SYNDIG1L: variants seen among roughly 807,000 people sequenced by gnomAD.
The protein encoded by SYNDIG1L is synapse differentiation-inducing gene protein 1-like.
Under a neutral mutation model 20.1 loss-of-function variants are expected in SYNDIG1L, and 13 were observed. The ratio of observed to expected loss-of-function variants is 0.65; its 90% CI spans 0.42 to 1.03. SYNDIG1L has a LOEUF of 1.03. Among genes scored for constraint, SYNDIG1L ranks in the 50% least tolerant of loss-of-function variants. The probability of loss-of-function intolerance (pLI) is 0.00; values close to 1 mark genes in which losing one functional copy is unlikely to be tolerated. For missense variants in SYNDIG1L, 294 were observed against 305.1 expected, an observed-to-expected ratio of 0.96 and a Z score of 0.27; for synonymous variants, 128 against 129.3, an observed-to-expected ratio of 0.99 and a Z score of 0.07.
At chr14:74,473,577 TG>T in the SYNDIG1L span, among the ~76,000 whole-genome samples, 3 of 152,164 alleles carry the variant, frequency 2.0e-5, no homozygotes, top group African/African-American at 7.2e-5. Context: ...TTTGCTGCCA[TG>T]GCATTCTGTA....
the SYNDIG1L span, among the ~76,000 whole-genome samples, chr14:74,448,244 A>C: frequency 6.6e-6 from 1 of 152,178 alleles, no homozygotes; most frequent in African/African-American, 2.4e-5. Context: ...AGACCTAACT[A>C]TATGCTGCTT....
chr14:74,411,147 T>C (rs1348551315), intron 1 of SYNDIG1L, among the ~76,000 whole-genome samples: 1 of 152,164 alleles, frequency 6.6e-6, no homozygotes, highest in East Asian at 1.9e-4. Context: ...TGCCCTGGAT[T>C]TCTAATCTGA....
chr14:74,430,424 C>T (rs911053318), upstream of SYNDIG1L, among the ~76,000 whole-genome samples: 2 of 142,216 alleles, frequency 1.4e-5, no homozygotes, highest in South Asian at 2.3e-4. Context: ...TGAAAATGAG[C>T]GGAAGAATAC....
At chr14:74,466,370 A>G in the SYNDIG1L span, among the ~76,000 whole-genome samples, 1 of 152,144 alleles carries the variant, frequency 6.6e-6, no homozygotes, top group Non-Finnish European at 1.5e-5. Context: ...GGATAAATGG[A>G]TGCATCCATG....
chr14:74,443,757 G>A, the SYNDIG1L span, among the ~76,000 whole-genome samples: 1 of 152,200 alleles, frequency 6.6e-6, no homozygotes, highest in Non-Finnish European at 1.5e-5. Context: ...TGGCTGAAAA[G>A]GGAAGAGATT....
At chr14:74,445,425 T>G in the SYNDIG1L span, among the ~76,000 whole-genome samples, 1 of 151,982 alleles carries the variant, frequency 6.6e-6, no homozygotes, top group Non-Finnish European at 1.5e-5. Flanking sequence ...CATTAGCATA[T>G]TGCAAGCTTC....
upstream of SYNDIG1L, among the ~76,000 whole-genome samples, chr14:74,426,697 C>T (rs2086269412): frequency 6.6e-6 from 1 of 151,538 alleles, no homozygotes; most frequent in African/African-American, 2.4e-5. Flanking sequence ...TAGTGCCCCT[C>T]TTCCCCTCTT....
chr14:74,420,773 T>C (rs1395527964), intron 1 of SYNDIG1L, among the ~76,000 whole-genome samples: 2 of 152,224 alleles, frequency 1.3e-5, no homozygotes, highest in East Asian at 1.9e-4. Flanking sequence ...AAAAGAATTA[T>C]ATCAGTGGGC....
chr14:74,451,436 G>A, the SYNDIG1L span, among the ~76,000 whole-genome samples: 21 of 152,150 alleles, frequency 1.4e-4, no homozygotes, highest in African/African-American at 5.1e-4. Flanking sequence ...GTTGATCATG[G>A]AGCTAATTTG....
chr14:74,408,694 A>G (rs2086105607), intron 2 of SYNDIG1L, among the ~76,000 whole-genome samples: 1 of 152,222 alleles, frequency 6.6e-6, no homozygotes, highest in African/African-American at 2.4e-5. Flanking sequence ...ACATTAAATT[A>G]CATGGAGCAA....
the SYNDIG1L span, chr14:74,476,678 TC>T: frequency 9.5e-7 from 1 of 1,048,438 alleles, no homozygotes; most frequent in Non-Finnish European, 1.4e-6. Flanking sequence ...CCCACCCTCT[TC>T]CAGGACCCTT....
the SYNDIG1L span, among the ~76,000 whole-genome samples, chr14:74,457,059 T>G: frequency 6.6e-6 from 1 of 152,208 alleles, no homozygotes; most frequent in Non-Finnish European, 1.5e-5. Flanking sequence ...ATGCTAAGCA[T>G]CTGGGGCCAG....
In SYNDIG1L at chr14:74,409,353, T is replaced by C. The variant is rs1309270943; in HGVS notation, c.392A>G (p.Gln131Arg). Residue 131 changes from glutamine (Q) to arginine (R), a missense_variant, in exon 2 of 4, where the codon CAG becomes CGG. Gln to Arg is a conservative substitution (Grantham distance 43). Transcript: ENST00000331628. ...CTCCTCTTCCTCCTGGTCATCCTCC[T>C]GGTCCCGCAGCTCCTCTTGTACCCC... ...SYGVQEELRD[Q>R]EDDQEEEESD... The C allele has an allele frequency of 1.9e-6, 3 of 1,573,396 alleles. No individual in the cohort carries two copies. The South Asian group carries it at 3.5e-5, about 18-fold the overall frequency.
the SYNDIG1L span, among the ~76,000 whole-genome samples, chr14:74,463,079 C>T: frequency 3.9e-5 from 6 of 152,310 alleles, no homozygotes; most frequent in Non-Finnish European, 5.9e-5. Flanking sequence ...TTGAGAGAGT[C>T]GTGCACATTG....
intron 1 of SYNDIG1L, among the ~76,000 whole-genome samples, chr14:74,419,749 T>G (rs1016016847): frequency 6.6e-6 from 1 of 152,186 alleles, no homozygotes; most frequent in Non-Finnish European, 1.5e-5. Flanking sequence ...AGGAAGAGGC[T>G]TCTCAGAGCA....
the SYNDIG1L span, among the ~76,000 whole-genome samples, chr14:74,458,412 T>C: frequency 6.7e-6 from 1 of 149,650 alleles, no homozygotes; most frequent in Admixed American, 6.7e-5. Flanking sequence ...AGCTCAGGAG[T>C]TCAAAACCAG....
chr14:74,425,308 C>T (rs1456524498), intron 1 of SYNDIG1L, among the ~76,000 whole-genome samples: 1 of 152,242 alleles, frequency 6.6e-6, no homozygotes, highest in Non-Finnish European at 1.5e-5. Context: ...CAAATCCTGC[C>T]TGCTTCTGTG....
chr14:74,440,949 C>T, the SYNDIG1L span, among the ~76,000 whole-genome samples: 1 of 152,080 alleles, frequency 6.6e-6, no homozygotes, highest in Non-Finnish European at 1.5e-5. Flanking sequence ...TTGGATAAAT[C>T]TCAATGTCTC....
the SYNDIG1L span, among the ~76,000 whole-genome samples, chr14:74,471,596 TCACACA>T: frequency 5.3e-5 from 8 of 149,824 alleles, no homozygotes; most frequent in African/African-American, 7.4e-5. Flanking sequence ...AGACCCTATC[TCACACA>T]CACACACACA....
Sources: allele counts gnomAD v4.1 joint callset (sites outside exome capture counted in the v4.1 genomes callset), GRCh38; gene constraint gnomAD v4.1.1; transcripts MANE v1.5; gene names NCBI Gene and HGNC (gene_info 2026-07-23, HGNC 2026-07-21).